ROR2: variants seen among roughly 807,000 people sequenced by gnomAD.
The protein encoded by ROR2 is tyrosine-protein kinase transmembrane receptor ROR2.
A neutral mutation model predicts 74.9 loss-of-function variants in ROR2; 33 were observed. The observed-to-expected ratio is 0.44, with a 90% CI of 0.33 to 0.59. The LOEUF is 0.59. Among genes scored for constraint, ROR2 ranks in the 20% least tolerant of loss-of-function variants. ROR2 has a pLI of 0.02. For synonymous variants in ROR2, 586 were observed against 558.7 expected (o/e 1.05, Z -0.69); for missense variants, 1,216 against 1,313.8 (o/e 0.93, Z 1.15).
At chr9:91,839,584 G>A (rs1828723468) in intron 1 of ROR2, among the ~76,000 whole-genome samples, 2 of 151,608 alleles carry the variant, frequency 1.3e-5, no homozygotes, top group South Asian at 4.2e-4. Flanking sequence ...GAGTGTGTTT[G>A]TGTGTTTCTT....
chr9:91,851,554 C>T (rs897980939), intron 1 of ROR2, among the ~76,000 whole-genome samples: 2 of 152,090 alleles, frequency 1.3e-5, no homozygotes, highest in African/African-American at 4.8e-5. Context: ...TTCAGTTCTA[C>T]GTGGACTTCA....
At chr9:91,781,214 T>A (rs569307965) in intron 1 of ROR2, among the ~76,000 whole-genome samples, 1 of 152,326 alleles carries the variant, frequency 6.6e-6, no homozygotes, top group East Asian at 1.9e-4. Flanking sequence ...AGAACAGAAG[T>A]CACGGCAGGG....
At chr9:91,737,643 T>A in intron 4 of ROR2, 125 bp from the exon 5 acceptor site, 1 of 1,278,354 alleles carries the variant, frequency 7.8e-7, no homozygotes, top group East Asian at 2.5e-5. Context: ...ATAAGTAAAT[T>A]TAAATAAGTA....
At chr9:91,909,422 C>CTACA (rs1259804397) in intron 1 of ROR2, among the ~76,000 whole-genome samples, 1 of 152,118 alleles carries the variant, frequency 6.6e-6, no homozygotes, top group African/African-American at 2.4e-5. Context: ...GTGTAGTGGC[C>CTACA]TACAGCCTCA....
chr9:91,840,806 G>A (rs1449968280), intron 1 of ROR2, among the ~76,000 whole-genome samples: 2 of 152,106 alleles, frequency 1.3e-5, no homozygotes, highest in African/African-American at 2.4e-5. Flanking sequence ...ATGAGATAGC[G>A]GCAGCCCCTT....
chr9:91,909,581 G>A (rs2697195), intron 1 of ROR2, among the ~76,000 whole-genome samples: 2,593 of 150,260 alleles, frequency 0.017, 50 homozygotes, highest in South Asian at 0.041. Flanking sequence ...CAAACTCCTG[G>A]CCTCAAGTAA....
intron 1 of ROR2, among the ~76,000 whole-genome samples, chr9:91,816,330 C>T (rs182667998): frequency 3.0e-4 from 45 of 152,290 alleles, no homozygotes; most frequent in African/African-American, 1.0e-3. Context: ...CCCTCCAAGG[C>T]GTTTCCACCT....
chr9:91,733,014 G>C lies in ROR2; in HGVS notation c.937+108C>G. 8.8e-7 allele frequency: 1 copy of C among 1,137,800 alleles called. No individual in the cohort carries two copies. 70.5% of individuals were successfully genotyped at this position (1,137,800 alleles called of 1,614,324 possible). A position where few individuals can be genotyped will look rare whatever the true frequency, so the allele number is the denominator to read the frequency against. On this transcript the variant is annotated intron_variant, in intron 6 of 8. Transcript: ENST00000375708. The surrounding 1 kb of genome is among the most constrained non-coding windows in gnomAD (Gnocchi z 5.7). ...TCGGCTGCTAAGGGGGTTCTGTGGG[G>C]CCTGGACAGATGGGGCTCCCTGGGC...
intron 1 of ROR2, among the ~76,000 whole-genome samples, chr9:91,894,921 C>T (rs1190686207): frequency 6.6e-6 from 1 of 152,206 alleles, no homozygotes; most frequent in East Asian, 1.9e-4. Flanking sequence ...CTAGCAATCA[C>T]ACTCCTTGGT....
intron 1 of ROR2, among the ~76,000 whole-genome samples, chr9:91,940,212 T>G (rs1050066070): frequency 6.6e-6 from 1 of 152,234 alleles, no homozygotes; most frequent in African/African-American, 2.4e-5. Context: ...CCAGGGCTCC[T>G]TGTTGATAAC....
chr9:91,934,775 C>T (rs766072683), intron 1 of ROR2, among the ~76,000 whole-genome samples: 39 of 152,092 alleles, frequency 2.6e-4, no homozygotes, highest in Non-Finnish European at 4.9e-4. Flanking sequence ...AAAGAGAGTA[C>T]GTGAACCTTA....
Position 91,733,294 on chromosome 9 carries a change from C to A in ROR2, c.765G>T (p.Glu255Asp), listed in dbSNP as rs1223420477. 2 of 1,612,790 alleles carry A rather than the reference C, an allele frequency of 1.2e-6. No individual in the cohort carries two copies. The highest frequency in any genetic ancestry group is 1.7e-6 in the Non-Finnish European group (2 of 1,179,782). ...TPKPRELCRD[E>D]CEVLESDLCR... ...ACAGGTCGCTCTCCAGCACCTCGCA[C>A]TCGTCGCGGCACAGCTCACGCGGCT... The change falls in exon 6 of 9, where the codon GAG (glutamate) becomes GAT (aspartate). Residue 255 changes from glutamate to aspartate, a missense_variant. By Grantham distance (45) the Glu-to-Asp change is conservative. Coordinates refer to ENST00000375708, the MANE Select transcript of ROR2 (RefSeq NM_004560.4). This position sits in a 1 kb window ranked among gnomAD's most constrained non-coding sequence, Gnocchi z 5.7.
chr9:91,817,228 A>C (rs895185413), intron 1 of ROR2, among the ~76,000 whole-genome samples: 7 of 152,198 alleles, frequency 4.6e-5, no homozygotes, highest in African/African-American at 1.7e-4. Context: ...GTCGAGAAGG[A>C]AGGCCGGGAC....
intron 1 of ROR2, among the ~76,000 whole-genome samples, chr9:91,872,087 C>G (rs764382936): frequency 2.0e-5 from 3 of 152,140 alleles, no homozygotes; most frequent in Non-Finnish European, 2.9e-5. Flanking sequence ...CAACAGATAA[C>G]AAAAACAGAT....
chr9:91,924,781 T>TAA (rs535189760), intron 1 of ROR2, among the ~76,000 whole-genome samples: 122 of 146,424 alleles, frequency 8.3e-4, no homozygotes, highest in African/African-American at 2.9e-3. Flanking sequence ...AGACTCCATC[T>TAA]AAAAAAAAAA....
At chr9:91,918,474 G>A (rs1282637973) in intron 1 of ROR2, among the ~76,000 whole-genome samples, 2 of 152,126 alleles carry the variant, frequency 1.3e-5, no homozygotes, top group African/African-American at 2.4e-5. Flanking sequence ...GCTTTCAGAG[G>A]AGGGCTTTTA....
At chr9:91,909,856 T>G (rs1263380839) in intron 1 of ROR2, among the ~76,000 whole-genome samples, 4 of 125,406 alleles carry the variant, frequency 3.2e-5, no homozygotes, top group Non-Finnish European at 6.5e-5. Flanking sequence ...TGTTTTTTTT[T>G]TTTTTTTTTT....
chr9:91,789,430 T>G (rs1826903468), intron 1 of ROR2, among the ~76,000 whole-genome samples: 1 of 152,118 alleles, frequency 6.6e-6, no homozygotes, highest in African/African-American at 2.4e-5. Flanking sequence ...TATAAACATG[T>G]TTTTTTGTAA....
Position 91,888,166 on chromosome 9 carries a change from T to C in ROR2, c.97+61701A>G, listed in dbSNP as rs1171012979. 3.3e-5 allele frequency among the ~76,000 whole-genome samples: 5 copies of C among 152,212 alleles called. No individual in the cohort carries two copies. The East Asian group carries it at 5.8e-4, about 18-fold the overall frequency. ...GTAAATTTGATGGCATCAATGCTTT[T>C]TCTAGACTTTTGTGAATTTGATGTT... On this transcript the variant is annotated intron_variant, in intron 1 of 8. Transcript: ENST00000375708.
Sources: gnomAD v4.1 joint callset for allele counts (sites outside exome capture counted in the v4.1 genomes callset) on GRCh38, gnomAD v4.1.1 for gene constraint, Gnocchi (gnomAD v3.1) non-coding constraint, MANE v1.5 for transcripts, NCBI Gene and HGNC (gene_info 2026-07-23, HGNC 2026-07-21) for gene names.